Variants in RPS6KC1 observed in about 807,000 individuals in gnomAD.
RPS6KC1 encodes inactive ribosomal protein S6 kinase delta-1.
In RPS6KC1, 54 loss-of-function variants were observed where a neutral mutation model predicts 103.8. That is an observed-to-expected ratio of 0.52 (90% CI 0.42 to 0.65). The LOEUF is 0.65. Ranked by LOEUF, RPS6KC1 falls within the 30% of genes least tolerant of loss-of-function variation. RPS6KC1 has a pLI of 0.00. For synonymous variants in RPS6KC1, 439 were observed against 438.7 expected (o/e 1.00, Z -0.01); for missense variants, 1,151 against 1,253.8 (o/e 0.92, Z 1.24).
At chr1:213,053,930 G>A (rs2077139699) in intron 1 of RPS6KC1, among the ~76,000 whole-genome samples, 1 of 152,086 alleles carries the variant, frequency 6.6e-6, no homozygotes, top group East Asian at 1.9e-4. Flanking sequence ...TCGCCTCCTG[G>A]GTTCAAGTGA....
At chr1:213,195,956 G>A (rs2092931252) in intron 8 of RPS6KC1, among the ~76,000 whole-genome samples, 1 of 151,816 alleles carries the variant, frequency 6.6e-6, no homozygotes, top group African/African-American at 2.4e-5. Flanking sequence ...TGCAAGTGTC[G>A]TTTTCATATA....
chr1:213,552,570 A>T, the RPS6KC1 span, among the ~76,000 whole-genome samples: 1 of 152,010 alleles, frequency 6.6e-6, no homozygotes, highest in African/African-American at 2.4e-5. Context: ...GAGTTTGAAG[A>T]GTTGTTTGTA....
the RPS6KC1 span, among the ~76,000 whole-genome samples, chr1:213,758,694 G>T: frequency 6.6e-6 from 1 of 152,190 alleles, no homozygotes; most frequent in Non-Finnish European, 1.5e-5. Context: ...AGGAGTTCAG[G>T]ACCTCAGTGG....
the RPS6KC1 span, among the ~76,000 whole-genome samples, chr1:213,336,701 C>T: frequency 2.0e-5 from 3 of 152,194 alleles, no homozygotes; most frequent in South Asian, 2.1e-4. Flanking sequence ...GAAACTGAAG[C>T]TCACGGAGTT....
At chr1:213,627,319 TG>T in the RPS6KC1 span, among the ~76,000 whole-genome samples, 4 of 152,212 alleles carry the variant, frequency 2.6e-5, no homozygotes, top group African/African-American at 9.7e-5. Flanking sequence ...AAGGAGATTT[TG>T]GGCTGAGAAA....
the RPS6KC1 span, among the ~76,000 whole-genome samples, chr1:213,793,634 T>G: frequency 6.6e-6 from 1 of 152,084 alleles, no homozygotes; most frequent in Admixed American, 6.5e-5. Context: ...ACCAAAGTGC[T>G]CCAAGCATGT....
chr1:213,565,754 A>G, the RPS6KC1 span, among the ~76,000 whole-genome samples: 2 of 151,932 alleles, frequency 1.3e-5, no homozygotes, highest in African/African-American at 4.9e-5. Flanking sequence ...AAAAATCCAT[A>G]AACAAATATC....
chr1:213,593,060 C>A, the RPS6KC1 span, among the ~76,000 whole-genome samples: 1 of 47,418 alleles, frequency 2.1e-5, no homozygotes, highest in Admixed American at 2.5e-4. Flanking sequence ...CTGAGCATTA[C>A]AAACAGTGTT....
chr1:213,819,587 T>C, the RPS6KC1 span: 1 of 152,200 alleles, frequency 6.6e-6, no homozygotes, highest in Non-Finnish European at 1.5e-5. Context: ...TTTCCGAACA[T>C]TCATTTCCTT....
At chr1:213,399,464 T>C in the RPS6KC1 span, among the ~76,000 whole-genome samples, 1 of 152,164 alleles carries the variant, frequency 6.6e-6, no homozygotes, top group South Asian at 2.1e-4. Flanking sequence ...CAGTCTTTCC[T>C]TACCTACCAC....
the RPS6KC1 span, among the ~76,000 whole-genome samples, chr1:213,534,982 C>T: frequency 7.9e-5 from 12 of 152,268 alleles, no homozygotes; most frequent in Non-Finnish European, 1.8e-4. Flanking sequence ...CATACTATAT[C>T]AACACTGAGA....
At chr1:213,126,301 G>A (rs979000202) in intron 5 of RPS6KC1, among the ~76,000 whole-genome samples, 3 of 152,032 alleles carry the variant, frequency 2.0e-5, no homozygotes, top group Non-Finnish European at 2.9e-5. Flanking sequence ...GTTACTGTCC[G>A]TATGGCTGAA....
the RPS6KC1 span, among the ~76,000 whole-genome samples, chr1:213,294,022 A>G: frequency 2.6e-5 from 4 of 152,234 alleles, no homozygotes; most frequent in African/African-American, 7.2e-5. Flanking sequence ...GCTAACCAGT[A>G]AAACCACAGC....
chr1:213,624,717 C>T, the RPS6KC1 span, among the ~76,000 whole-genome samples: 1 of 152,100 alleles, frequency 6.6e-6, no homozygotes, highest in Non-Finnish European at 1.5e-5. Flanking sequence ...GGCTTCTGGA[C>T]CTGTGGTGCT....
the RPS6KC1 span, among the ~76,000 whole-genome samples, chr1:213,747,356 G>A: frequency 2.0e-5 from 3 of 152,174 alleles, no homozygotes; most frequent in Non-Finnish European, 4.4e-5. Flanking sequence ...AGTTTTGGAA[G>A]AGTATTAGAA....
the RPS6KC1 span, among the ~76,000 whole-genome samples, chr1:213,851,142 G>A: frequency 1.3e-5 from 2 of 152,048 alleles, no homozygotes; most frequent in Non-Finnish European, 2.9e-5. Flanking sequence ...AGAAAACCAA[G>A]GTGAGAATTC....
chr1:213,726,221 G>A, the RPS6KC1 span, among the ~76,000 whole-genome samples: 1 of 152,106 alleles, frequency 6.6e-6, no homozygotes, highest in East Asian at 1.9e-4. Context: ...GCACATCTGG[G>A]ACTACAGGTG....
At chr1:213,314,656 CT>C in the RPS6KC1 span, among the ~76,000 whole-genome samples, 1,200 of 132,068 alleles carry the variant, frequency 9.1e-3, 6 homozygotes, top group African/African-American at 0.016. Flanking sequence ...ACCACGGTGG[CT>C]TTTTTTTTTT....
At chr1:213,636,163 G>C in the RPS6KC1 span, among the ~76,000 whole-genome samples, 261 of 152,272 alleles carry the variant, frequency 1.7e-3, no homozygotes, top group African/African-American at 6.1e-3. Context: ...TGGATAGGAA[G>C]AATCAATATT....
Sources: allele counts gnomAD v4.1 joint callset (sites outside exome capture counted in the v4.1 genomes callset), GRCh38; gene constraint gnomAD v4.1.1; transcripts MANE v1.5; gene names NCBI Gene and HGNC (gene_info 2026-07-23, HGNC 2026-07-21).